The following SLC35F5 variants were observed in gnomAD, a reference collection of about 807,000 sequenced individuals.
The protein encoded by SLC35F5 is HCV NS5A-transactivated protein 3.
SLC35F5 carries 54 observed loss-of-function variants against 68.6 expected under a neutral mutation model. The ratio of observed to expected loss-of-function variants is 0.79; its 90% CI spans 0.63 to 0.99. The LOEUF (loss-of-function observed/expected upper bound fraction) is 0.99, where lower values mean the gene tolerates loss of function less well. Ranked by LOEUF, SLC35F5 falls within the 50% of genes least tolerant of loss-of-function variation. SLC35F5 has a pLI of 0.00. For synonymous variants in SLC35F5, 211 were observed against 205.2 expected (o/e 1.03, Z -0.24); for missense variants, 567 against 626.9 (o/e 0.90, Z 1.02).
In SLC35F5 at chr2:113,710,589, T is replaced by C. The variant is rs1231347086; in HGVS notation, c.*4629A>G. 6.6e-6 allele frequency among the ~76,000 whole-genome samples: 1 copy of C among 151,642 alleles called. No individual in the cohort carries two copies. Among genetic ancestry groups the C allele is most frequent in the African/African-American group, 2.4e-5 (1 of 41,256 alleles). The stretch of plus-strand genomic sequence containing the variant: ...TACTAAAAACACAAAAATTAGGCAA[T>C]ATAGCAAGACCCCATCTCTACCAAA... On this transcript the variant is annotated 3_prime_UTR_variant, in exon 16 of 16. Transcript: ENST00000245680.
chr2:113,733,383 C>G (rs778111520), intron 9 of SLC35F5: 17 of 363,716 alleles, frequency 4.7e-5, no homozygotes, highest in African/African-American at 3.4e-4. Flanking sequence ...TATTTTATAT[C>G]CATTTCCTTC....
intron 3 of SLC35F5, among the ~76,000 whole-genome samples, chr2:113,754,835 G>A (rs1331575050): frequency 6.6e-6 from 1 of 152,106 alleles, no homozygotes; most frequent in African/African-American, 2.4e-5. Flanking sequence ...TTTGCATCCT[G>A]ACAGTTATTT....
chr2:113,733,520 C>G (rs1382691847), intron 9 of SLC35F5: 1 of 201,938 alleles, frequency 5.0e-6, no homozygotes, highest in Non-Finnish European at 1.1e-5. Flanking sequence ...AAAATTTGCT[C>G]GGCTTAAAAC....
Position 113,707,512 on chromosome 2 carries a change from G to A in SLC35F5, c.*7706C>T, listed in dbSNP as rs1027400866. ...ATTAAATATACCTGGTCCCATATAA[G>A]AATTGTTGCCTAACCTCATATACTA... On this transcript the variant is annotated 3_prime_UTR_variant, in exon 16 of 16. Transcript: ENST00000245680. Among the ~76,000 whole-genome samples, 1 of 152,152 alleles carries A rather than the reference G, an allele frequency of 6.6e-6. No individual in the cohort carries two copies.
chr2:113,750,614 C>T lies in SLC35F5; in HGVS notation c.274-46G>A, dbSNP rs59826038. The T allele has an allele frequency of 1.3e-3, 1,908 of 1,441,974 alleles. 19 individuals carry two copies. The African/African-American group carries it at 0.02, about 15-fold the overall frequency. 89.3% of individuals were successfully genotyped at this position (1,441,974 alleles called of 1,614,324 possible). ...CAGACAACTCTGAGATGACCTTAAA[C>T]CTTATTACTCATCTCCAAAATAAAG... On this transcript the variant is annotated intron_variant, in intron 3 of 15. Coordinates refer to ENST00000245680, the MANE Select transcript of SLC35F5 (RefSeq NM_025181.5).
At chr2:113,755,047 A>G (rs1171707001) in intron 3 of SLC35F5, 118 bp downstream of exon 3, 8 of 963,542 alleles carry the variant, frequency 8.3e-6, no homozygotes, top group Admixed American at 2.8e-5. Flanking sequence ...TAAAAATTCA[A>G]TAGTATTTAA....
rs1008136305 is a variant in SLC35F5 at position 113,707,066 on chromosome 2, A to G, written c.*8152T>C. Among the ~76,000 whole-genome samples, 2 of 152,176 alleles carry G rather than the reference A, an allele frequency of 1.3e-5. No individual in the cohort carries two copies. Among genetic ancestry groups the G allele is most frequent in the African/African-American group, 2.4e-5 (1 of 41,450 alleles). On this transcript the variant is annotated 3_prime_UTR_variant, in exon 16 of 16. Coordinates refer to ENST00000245680, the MANE Select transcript of SLC35F5 (RefSeq NM_025181.5). ...AAATACTCTAGAATCTGAAAATATT[A>G]AATATTAAATAGATGGAGGGATCAA...
intron 1 of SLC35F5, 147 bp from the exon 2 acceptor site, chr2:113,755,691 GTACTTT>G (rs1484675638): frequency 1.0e-6 from 1 of 1,004,506 alleles, no homozygotes; most frequent in Non-Finnish European, 1.5e-6. Context: ...ACCTTTCTCA[GTACTTT>G]CATGGTATCC....
chr2:113,754,354 A>G (rs929075845), intron 3 of SLC35F5, among the ~76,000 whole-genome samples: 1 of 152,124 alleles, frequency 6.6e-6, no homozygotes, highest in Non-Finnish European at 1.5e-5. Context: ...GCCAATGTCA[A>G]TATTTACTTA....
chr2:113,712,607 G>A lies in SLC35F5; in HGVS notation c.*2611C>T, dbSNP rs186083325. Among the ~76,000 whole-genome samples the A allele has an allele frequency of 2.7e-3, 405 of 152,274 alleles. No individual in the cohort carries two copies. Among genetic ancestry groups the A allele is most frequent in the African/African-American group, 9.5e-3 (396 of 41,562 alleles). ...TGGGACTACAGGCGTGAGCCACCAC[G>A]CCCGGCCCAAAAGCATTTACTGTTA... On this transcript the variant is annotated 3_prime_UTR_variant, in exon 16 of 16. Coordinates refer to ENST00000245680, the MANE Select transcript of SLC35F5 (RefSeq NM_025181.5).
chr2:113,744,808 A>C (rs191891868), intron 5 of SLC35F5, among the ~76,000 whole-genome samples: 1 of 152,340 alleles, frequency 6.6e-6, no homozygotes, highest in Non-Finnish European at 1.5e-5. Context: ...TAAAGTAATC[A>C]GGTAGCAGAC....
At chr2:113,720,326 TAAA>T (rs35908818) in intron 13 of SLC35F5, among the ~76,000 whole-genome samples, 22 of 139,034 alleles carry the variant, frequency 1.6e-4, no homozygotes, top group Middle Eastern at 3.7e-3. Flanking sequence ...CTTTGAGAAT[TAAA>T]AAAAAAAAAA....
intron 4 of SLC35F5, 61 bp from the exon 5 acceptor site, chr2:113,746,400 C>A: frequency 7.5e-7 from 1 of 1,334,918 alleles, no homozygotes; most frequent in South Asian, 1.2e-5. Context: ...TAGGACTAGT[C>A]AGACGTAACT....
At chr2:113,754,214 C>G (rs920335287) in intron 3 of SLC35F5, among the ~76,000 whole-genome samples, 45 of 149,464 alleles carry the variant, frequency 3.0e-4, no homozygotes, top group African/African-American at 9.6e-4. Flanking sequence ...CCCTTGAACC[C>G]GGGAGGCGGA....
At chr2:113,740,503 T>C (rs112932255) in intron 7 of SLC35F5, among the ~76,000 whole-genome samples, 5 of 152,288 alleles carry the variant, frequency 3.3e-5, no homozygotes, top group African/African-American at 9.6e-5. Flanking sequence ...TTTTAAAAAT[T>C]ATTTTTTGAA....
At chr2:113,746,961 G>A (rs1053825544) in intron 4 of SLC35F5, among the ~76,000 whole-genome samples, 2 of 150,946 alleles carry the variant, frequency 1.3e-5, no homozygotes, top group African/African-American at 4.9e-5. Context: ...AAACATCTTG[G>A]TATTATTATG....
chr2:113,731,682 A>C (rs370415478), intron 9 of SLC35F5, 34 bp from the exon 10 acceptor site: 3 of 1,522,074 alleles, frequency 2.0e-6, no homozygotes, highest in East Asian at 2.2e-5. Flanking sequence ...GATGAGCTAA[A>C]GAATTCTGAA....
intron 4 of SLC35F5, among the ~76,000 whole-genome samples, chr2:113,746,973 A>C (rs1290144045): frequency 6.6e-6 from 1 of 151,712 alleles, no homozygotes; most frequent in African/African-American, 2.4e-5. Context: ...ATTATTATGA[A>C]ATTAATTTTG....
Position 113,731,576 on chromosome 2 carries a change from G to A in SLC35F5, c.985+8C>T, listed in dbSNP as rs1398781762. 9 of 1,609,528 alleles carry A rather than the reference G, an allele frequency of 5.6e-6. No individual in the cohort carries two copies. Among genetic ancestry groups the A allele is most frequent in the Non-Finnish European group, 7.7e-6 (9 of 1,176,194 alleles). ...TCTAACAGAGAGAATCCAGAGTCCA[G>A]TACTTACCTACTGTGTCTCTTCCAG... On this transcript the variant is annotated splice_region_variant and intron_variant, in intron 10 of 15. Transcript: ENST00000245680.
Sources: allele counts gnomAD v4.1 joint callset (sites outside exome capture counted in the v4.1 genomes callset), GRCh38; gene constraint gnomAD v4.1.1; transcripts MANE v1.5; gene names NCBI Gene and HGNC (gene_info 2026-07-23, HGNC 2026-07-21).